The following SPART variants were observed in gnomAD, a reference collection of about 807,000 sequenced individuals.
The protein encoded by SPART is spastic paraplegia 20 (Troyer syndrome).
A neutral mutation model predicts 58.7 loss-of-function variants in SPART; 35 were observed. The ratio of observed to expected loss-of-function variants is 0.60; its 90% CI spans 0.46 to 0.79. The LOEUF is 0.79. Ranked by LOEUF, SPART falls within the 30% of genes least tolerant of loss-of-function variation. The probability of loss-of-function intolerance (pLI) is 0.00; values close to 1 mark genes in which losing one functional copy is unlikely to be tolerated. For missense variants in SPART, 730 were observed against 786.1 expected, an observed-to-expected ratio of 0.93 and a Z score of 0.85; for synonymous variants, 284 against 280.7, an observed-to-expected ratio of 1.01 and a Z score of -0.12.
At chr13:36,337,453 C>T (rs1290167042) in intron 1 of SPART, among the ~76,000 whole-genome samples, 1 of 152,132 alleles carries the variant, frequency 6.6e-6, no homozygotes, top group Non-Finnish European at 1.5e-5. Context: ...GCAGTTTGCC[C>T]CATGCTGTTC....
intron 2 of SPART, among the ~76,000 whole-genome samples, chr13:36,332,132 T>G (rs75128835): frequency 8.5e-5 from 13 of 152,248 alleles, no homozygotes; most frequent in Non-Finnish European, 1.9e-4. Context: ...AACTAAAAAG[T>G]GGAGCTTGGA....
In SPART at chr13:36,335,641, A is replaced by C; in HGVS notation, c.190T>G (p.Ser64Ala). 6.2e-7 allele frequency: 1 copy of C among 1,613,448 alleles called. No individual in the cohort carries two copies. Among genetic ancestry groups the C allele is most frequent in the Non-Finnish European group, 8.5e-7 (1 of 1,179,848 alleles). ...TCCCACCCAGGACCTGTGTGTTCAG[A>C]CTCTTTTGATGAAATGCTGATCCCT... Reference protein sequence around the residue: ...LRGISISSKESEHTGPGWESA... With the variant: ...LRGISISSKEAEHTGPGWESA... The change falls in exon 2 of 9, where the codon TCT becomes GCT. Residue 64 changes from serine to alanine, a missense_variant. Ser to Ala is a moderately conservative substitution (Grantham distance 99, BLOSUM62 1). Transcript: ENST00000438666.
upstream of SPART, among the ~76,000 whole-genome samples, chr13:36,348,368 A>C (rs1482846144): frequency 6.6e-6 from 1 of 152,256 alleles, no homozygotes; most frequent in Non-Finnish European, 1.5e-5. Context: ...ACATACATTT[A>C]AATAGAATTT....
At chr13:36,355,455 G>A (rs1290300873) in intron 1 of SPART, among the ~76,000 whole-genome samples, 1 of 152,082 alleles carries the variant, frequency 6.6e-6, no homozygotes, top group African/African-American at 2.4e-5. Flanking sequence ...ACATAATCTT[G>A]CTCTGAAATC....
chr13:36,323,022 T>C (rs1482493249), intron 5 of SPART, among the ~76,000 whole-genome samples: 1 of 152,128 alleles, frequency 6.6e-6, no homozygotes, highest in African/African-American at 2.4e-5. Context: ...CACAAAATGG[T>C]AGCAAAAAAT....
intron 4 of SPART, 124 bp from the exon 5 acceptor site, chr13:36,326,822 C>A (rs1393632244): frequency 9.5e-7 from 1 of 1,047,614 alleles, no homozygotes; most frequent in Admixed American, 2.0e-5. Context: ...TATCTCCAGC[C>A]AACCTAGTTA....
chr13:36,313,058 T>C (rs1881295563), intron 6 of SPART, among the ~76,000 whole-genome samples: 1 of 152,294 alleles, frequency 6.6e-6, no homozygotes, highest in East Asian at 1.9e-4. Flanking sequence ...ATTAAGGTCC[T>C]ATCTACCCAC....
chr13:36,306,879 A>T (rs1026711467), intron 8 of SPART, among the ~76,000 whole-genome samples: 2 of 152,206 alleles, frequency 1.3e-5, no homozygotes, highest in Non-Finnish European at 2.9e-5. Context: ...CAAAAAAACG[A>T]TGTATATGTG....
At chr13:36,344,493 G>A (rs1884872534) in intron 1 of SPART, among the ~76,000 whole-genome samples, 1 of 152,122 alleles carries the variant, frequency 6.6e-6, no homozygotes, top group Non-Finnish European at 1.5e-5. Context: ...AAGAGCCTGG[G>A]TATCTAGAGG....
intron 8 of SPART, among the ~76,000 whole-genome samples, chr13:36,309,818 C>T (rs1187434421): frequency 1.3e-5 from 2 of 152,110 alleles, no homozygotes; most frequent in East Asian, 1.9e-4. Context: ...GTACCCCAAA[C>T]CTCAGCATCA....
At chr13:36,352,807 A>T (rs1340003023) in intron 1 of SPART, among the ~76,000 whole-genome samples, 2 of 149,282 alleles carry the variant, frequency 1.3e-5, no homozygotes, top group Non-Finnish European at 3.0e-5. Flanking sequence ...AAAAAAATTG[A>T]AAATTAGCCA....
chr13:36,356,201 C>CT (rs1383345662), intron 1 of SPART, among the ~76,000 whole-genome samples: 3 of 152,168 alleles, frequency 2.0e-5, no homozygotes, highest in Non-Finnish European at 2.9e-5. Context: ...TGACTCAAGC[C>CT]TTTGTCAATT....
chr13:36,323,799 TA>T (rs769531110), intron 5 of SPART, among the ~76,000 whole-genome samples: 80 of 152,306 alleles, frequency 5.3e-4, no homozygotes, highest in Non-Finnish European at 1.0e-3. Context: ...AGTTACCAAC[TA>T]TGAGGACATT....
chr13:36,309,545 C>T (rs1299131880), intron 8 of SPART, among the ~76,000 whole-genome samples: 2 of 141,772 alleles, frequency 1.4e-5, no homozygotes, highest in Non-Finnish European at 3.1e-5. Context: ...CCATGGAATA[C>T]TACACAGCCC....
intron 5 of SPART, among the ~76,000 whole-genome samples, chr13:36,317,086 G>A (rs770716469): frequency 9.2e-5 from 14 of 152,130 alleles, no homozygotes; most frequent in Non-Finnish European, 1.8e-4. Context: ...CCAAAACTCC[G>A]GTGCCAGTCA....
At chr13:36,321,342 A>C (rs1882361552) in intron 5 of SPART, among the ~76,000 whole-genome samples, 1 of 152,210 alleles carries the variant, frequency 6.6e-6, no homozygotes, top group African/African-American at 2.4e-5. Flanking sequence ...GAAGTAAATA[A>C]ATAATCTTTG....
intron 6 of SPART, 55 bp downstream of exon 6, chr13:36,314,172 A>T: frequency 6.6e-7 from 1 of 1,508,318 alleles, no homozygotes; most frequent in Non-Finnish European, 9.2e-7. Flanking sequence ...ACCCTGGATT[A>T]AGACATTATT....
chr13:36,336,210 A>G lies in SPART; in HGVS notation c.-2-378T>C, dbSNP rs17053853. The G allele has an allele frequency of 1.8e-3, 299 of 166,296 alleles. 8 individuals carry two copies. In the East Asian group the frequency reaches 0.042, roughly 24 times the overall value. The allele number at this position is 166,296 out of a possible 1,614,324, so 10.3% of individuals were successfully genotyped here. On this transcript the variant is annotated intron_variant, in intron 1 of 8. Transcript: ENST00000438666. The stretch of plus-strand genomic sequence containing the variant: ...TATAATATAAATCCAGATTATATCC[A>G]GCCAATAAAAAATGAATTGAATCAT...
At position 36,358,516 on chromosome 13, in the gene SPART, G is replaced by A. The variant is rs186097742; in HGVS notation, c.-3+11573C>T. The stretch of plus-strand genomic sequence containing the variant: ...CTATTACTGACAAAAAGAAGCTATT[G>A]GCCATTTTTAAAACTCTCATTCAGG... On this transcript the variant is annotated intron_variant, in intron 1 of 8. Coordinates refer to the SPART transcript ENST00000355182. Among the ~76,000 whole-genome samples the A allele has an allele frequency of 1.4e-3, 213 of 152,176 alleles. 1 individual carries two copies. Among genetic ancestry groups the A allele is most frequent in the African/African-American group, 4.8e-3 (201 of 41,508 alleles).
Sources: gnomAD v4.1 joint callset for allele counts (sites outside exome capture counted in the v4.1 genomes callset) on GRCh38, gnomAD v4.1.1 for gene constraint, MANE v1.5 for transcripts, NCBI Gene and HGNC (gene_info 2026-07-23, HGNC 2026-07-21) for gene names.